The following MAML2 variants were observed in gnomAD, a reference collection of about 807,000 sequenced individuals.
MAML2 encodes the protein mastermind-like protein 2.
A neutral mutation model predicts 96.1 loss-of-function variants in MAML2; 22 were observed. The observed-to-expected ratio is 0.23, with a 90% CI of 0.16 to 0.33. MAML2 has a LOEUF of 0.33. Among genes scored for constraint, MAML2 ranks in the 10% least tolerant of loss-of-function variants. The pLI is 1.00. For missense variants in MAML2, 1,367 were observed against 1,392.4 expected (o/e 0.98, Z 0.29); for synonymous variants, 561 against 521.3 (o/e 1.08, Z -1.04).
chr11:96,067,879 T>C (rs976150949), intron 2 of MAML2, among the ~76,000 whole-genome samples: 3 of 152,232 alleles, frequency 2.0e-5, no homozygotes, highest in African/African-American at 7.2e-5. Context: ...GATTTAAAGG[T>C]CTTCTTGACC....
intron 2 of MAML2, among the ~76,000 whole-genome samples, chr11:96,089,533 T>C (rs1258914327): frequency 1.3e-5 from 2 of 152,238 alleles, no homozygotes; most frequent in Non-Finnish European, 2.9e-5. Flanking sequence ...CCAAATGTGC[T>C]ATAAGCCCTA....
At chr11:96,120,531 A>C (rs1204215356) in intron 1 of MAML2, among the ~76,000 whole-genome samples, 1 of 152,198 alleles carries the variant, frequency 6.6e-6, no homozygotes, top group East Asian at 1.9e-4. Flanking sequence ...CCTCTTTGTT[A>C]GTAAGTCTAC....
intron 1 of MAML2, among the ~76,000 whole-genome samples, chr11:96,126,295 C>G (rs1236373125): frequency 6.6e-6 from 1 of 152,182 alleles, no homozygotes; most frequent in Non-Finnish European, 1.5e-5. Flanking sequence ...TGGTGGCTCA[C>G]TCCTGTAATT....
At chr11:96,340,702 G>C (rs1239903350) in intron 1 of MAML2, among the ~76,000 whole-genome samples, 3 of 152,176 alleles carry the variant, frequency 2.0e-5, no homozygotes, top group Admixed American at 6.5e-5. Context: ...TACTGGATTG[G>C]ACTGGAGTGC....
chr11:96,109,345 G>A (rs886109220), intron 1 of MAML2, among the ~76,000 whole-genome samples: 1 of 152,144 alleles, frequency 6.6e-6, no homozygotes, highest in Non-Finnish European at 1.5e-5. Flanking sequence ...AGGCATTAGT[G>A]GACTTCAAGC....
chr11:96,022,819 A>G (rs1466338396), intron 2 of MAML2, among the ~76,000 whole-genome samples: 2 of 151,724 alleles, frequency 1.3e-5, no homozygotes, highest in Non-Finnish European at 2.9e-5. Flanking sequence ...TTGGCCCATT[A>G]TAAAGTGTTT....
At chr11:96,031,975 G>C (rs1389395292) in intron 2 of MAML2, among the ~76,000 whole-genome samples, 1 of 151,942 alleles carries the variant, frequency 6.6e-6, no homozygotes, top group Non-Finnish European at 1.5e-5. Context: ...GACAGAGCGA[G>C]ACTCTGTCTA....
chr11:96,061,927 G>A (rs1324700273), intron 2 of MAML2, among the ~76,000 whole-genome samples: 1 of 151,916 alleles, frequency 6.6e-6, no homozygotes, highest in East Asian at 1.9e-4. Context: ...TGAAAGCTTT[G>A]TTCAGCATAG....
chr11:96,172,501 C>T (rs914674693), intron 1 of MAML2, among the ~76,000 whole-genome samples: 28 of 152,332 alleles, frequency 1.8e-4, no homozygotes, highest in African/African-American at 5.3e-4. Context: ...TTTCTGTTCA[C>T]GTCCTCTTAC....
intron 1 of MAML2, among the ~76,000 whole-genome samples, chr11:96,237,515 C>T (rs1224862064): frequency 6.6e-6 from 1 of 152,224 alleles, no homozygotes; most frequent in Non-Finnish European, 1.5e-5. Flanking sequence ...ATTAAATTGT[C>T]ACCTCCCGAT....
chr11:95,998,731 G>A (rs1318282900), intron 2 of MAML2, among the ~76,000 whole-genome samples: 1 of 152,088 alleles, frequency 6.6e-6, no homozygotes, highest in Non-Finnish European at 1.5e-5. Flanking sequence ...GGTAAATCAG[G>A]TATATGATGA....
chr11:96,335,231 C>T (rs1042166950), intron 1 of MAML2, among the ~76,000 whole-genome samples: 1 of 152,166 alleles, frequency 6.6e-6, no homozygotes, highest in Non-Finnish European at 1.5e-5. Flanking sequence ...AAGTACATCT[C>T]AAAGACCATC....
At chr11:96,093,588 A>G in intron 1 of MAML2, 71 bp from the exon 2 acceptor site, 1 of 1,118,076 alleles carries the variant, frequency 8.9e-7, no homozygotes, top group Non-Finnish European at 1.3e-6. Context: ...ATAAAAAGTG[A>G]TGTGATATTT....
intron 2 of MAML2, among the ~76,000 whole-genome samples, chr11:96,030,104 A>G (rs1590970433): frequency 6.6e-6 from 1 of 151,972 alleles, no homozygotes; most frequent in South Asian, 2.1e-4. Context: ...GTGGTAGCGG[A>G]CACCTGTAAT....
intron 1 of MAML2, among the ~76,000 whole-genome samples, chr11:96,247,191 T>C (rs1862523818): frequency 6.6e-6 from 1 of 152,024 alleles, no homozygotes; most frequent in Non-Finnish European, 1.5e-5. Flanking sequence ...TTGACAAGTA[T>C]ATATCAGATT....
chr11:96,086,063 T>G (rs184055279), intron 2 of MAML2, among the ~76,000 whole-genome samples: 5 of 152,334 alleles, frequency 3.3e-5, no homozygotes, highest in African/African-American at 1.2e-4. Flanking sequence ...GAATGGATTG[T>G]TAAGGATTGA....
intron 1 of MAML2, among the ~76,000 whole-genome samples, chr11:96,116,254 A>C (rs983488063): frequency 6.6e-6 from 1 of 152,162 alleles, no homozygotes; most frequent in Non-Finnish European, 1.5e-5. Flanking sequence ...CTAACTGTAC[A>C]CTAACATTTG....
chr11:96,269,323 G>T lies in MAML2; in HGVS notation c.513+72060C>A, dbSNP rs1862879952. 2.8e-5 allele frequency among the ~76,000 whole-genome samples: 4 copies of T among 144,238 alleles called. No homozygotes were observed. In the South Asian group the frequency reaches 8.8e-4, roughly 32 times the overall value. The allele number at this position is 144,238 out of a possible 152,430, so 94.6% of individuals were successfully genotyped here. A position where few individuals can be genotyped will look rare whatever the true frequency, so the allele number is the denominator to read the frequency against. On this transcript the variant is annotated intron_variant, in intron 1 of 4. Coordinates refer to ENST00000524717, the MANE Select transcript of MAML2 (RefSeq NM_032427.4). Reference sequence around the variant, plus strand: ...GAAAGTCACATGAATCATCATTGTAGGTTTATGCTTCAGCTCTCCATTCAG... The same window carrying T: ...GAAAGTCACATGAATCATCATTGTATGTTTATGCTTCAGCTCTCCATTCAG...
rs1237388319 is a variant in MAML2 at position 96,308,676 on chromosome 11, C to T, written c.513+32707G>A. Among the ~76,000 whole-genome samples the T allele has an allele frequency of 2.6e-5, 4 of 152,170 alleles. No homozygotes were observed. In the South Asian group the frequency reaches 8.3e-4, roughly 32 times the overall value. On this transcript the variant is annotated intron_variant, in intron 1 of 4. Transcript: ENST00000524717. ...CAAAAATTACATCCATGGCTACTTC[C>T]TACTTCTTTATGTTTCAGCTTAAAT... is the stretch of plus-strand genomic sequence containing the variant.
Sources: gnomAD v4.1 joint callset for allele counts (sites outside exome capture counted in the v4.1 genomes callset) on GRCh38, gnomAD v4.1.1 for gene constraint, MANE v1.5 for transcripts, NCBI Gene and HGNC (gene_info 2026-07-23, HGNC 2026-07-21) for gene names.